Variants in MMP16 observed in about 807,000 individuals in gnomAD.
The protein encoded by MMP16 is matrix metalloproteinase-16.
A neutral mutation model predicts 67.8 loss-of-function variants in MMP16; 12 were observed. The observed-to-expected ratio is 0.18, with a 90% CI of 0.11 to 0.29. MMP16 has a LOEUF of 0.29. MMP16 is among the 10% of genes least tolerant of loss of function. The pLI is 1.00. For missense variants in MMP16, 475 were observed against 765.7 expected (o/e 0.62, Z 4.48); for synonymous variants, 249 against 255.9 (o/e 0.97, Z 0.26).
At chr8:88,169,900 A>G (rs553341407) in intron 3 of MMP16, among the ~76,000 whole-genome samples, 1 of 152,330 alleles carries the variant, frequency 6.6e-6, no homozygotes, top group East Asian at 1.9e-4. Flanking sequence ...CGTCATGAAC[A>G]GAGACATGAC....
intron 4 of MMP16, among the ~76,000 whole-genome samples, chr8:88,131,958 A>G (rs557729980): frequency 1.3e-5 from 2 of 151,988 alleles, no homozygotes; most frequent in African/African-American, 2.4e-5. Context: ...CATTCATTAC[A>G]TTATGTCGTT....
intron 1 of MMP16, among the ~76,000 whole-genome samples, chr8:88,283,654 A>G (rs1810777112): frequency 6.6e-6 from 1 of 152,076 alleles, no homozygotes; most frequent in African/African-American, 2.4e-5. Flanking sequence ...CCTCACCTCC[A>G]CTGACTAGTA....
At chr8:88,204,946 C>T (rs1809403201) in intron 1 of MMP16, among the ~76,000 whole-genome samples, 1 of 152,122 alleles carries the variant, frequency 6.6e-6, no homozygotes, top group Admixed American at 6.5e-5. Context: ...GCCTTCCAAG[C>T]CATGTATGAT....
At chr8:88,299,092 T>A (rs772219775) in intron 1 of MMP16, among the ~76,000 whole-genome samples, 11 of 152,026 alleles carry the variant, frequency 7.2e-5, no homozygotes, top group Non-Finnish European at 1.3e-4. Flanking sequence ...AAAGTCACAA[T>A]GGTCAAAGGA....
At chr8:88,073,167 G>T (rs1223023785) in intron 7 of MMP16, among the ~76,000 whole-genome samples, 1 of 152,188 alleles carries the variant, frequency 6.6e-6, no homozygotes, top group African/African-American at 2.4e-5. Context: ...CGCAGGAAGG[G>T]TGTAGGAGAG....
chr8:88,299,268 C>T (rs909771155), intron 1 of MMP16, among the ~76,000 whole-genome samples: 2 of 152,022 alleles, frequency 1.3e-5, no homozygotes, highest in African/African-American at 4.8e-5. Context: ...ACCCTGGCTT[C>T]GTGCTTTTGT....
At position 88,077,168 on chromosome 8, in the gene MMP16, T is replaced by C. The variant is rs150813983; in HGVS notation, c.1084-2425A>G. ...TGACAGCAGCCTTGGCAGAGAGTCATATAAATTACAGATATTCAGGTTGTG... is the reference window on the plus strand; with the variant it reads ...TGACAGCAGCCTTGGCAGAGAGTCACATAAATTACAGATATTCAGGTTGTG... On this transcript the variant is annotated intron_variant, in intron 6 of 9. Transcript: ENST00000286614. Among the ~76,000 whole-genome samples the C allele has an allele frequency of 3.2e-3, 481 of 152,292 alleles. 3 individuals carry two copies. Among genetic ancestry groups the C allele is most frequent in the Non-Finnish European group, 3.6e-3 (246 of 68,012 alleles).
chr8:88,051,957 T>G (rs935642810), intron 8 of MMP16, among the ~76,000 whole-genome samples: 2 of 152,216 alleles, frequency 1.3e-5, no homozygotes, highest in African/African-American at 4.8e-5. Flanking sequence ...CTGAGTTCCA[T>G]GCTGTATATG....
chr8:88,126,447 A>C (rs1475593683), intron 4 of MMP16, among the ~76,000 whole-genome samples: 2 of 151,936 alleles, frequency 1.3e-5, no homozygotes, highest in African/African-American at 4.8e-5. Flanking sequence ...ACTGGGGTAC[A>C]AACTGTCAGT....
intron 1 of MMP16, among the ~76,000 whole-genome samples, chr8:88,273,435 C>T (rs1018010358): frequency 2.0e-5 from 3 of 152,014 alleles, no homozygotes; most frequent in Admixed American, 6.6e-5. Flanking sequence ...CTCAATCCTC[C>T]GACTTGACCC....
chr8:88,218,025 T>C (rs1809621623), intron 1 of MMP16, among the ~76,000 whole-genome samples: 1 of 151,992 alleles, frequency 6.6e-6, no homozygotes, highest in African/African-American at 2.4e-5. Context: ...TATTGTTTTG[T>C]TTCATTTGCT....
In MMP16 at chr8:88,307,400, T is replaced by C. The variant is rs78041150; in HGVS notation, c.132+19675A>G. Among the ~76,000 whole-genome samples, 5 of 152,052 alleles carry C rather than the reference T, an allele frequency of 3.3e-5. No individual in the cohort carries two copies. The South Asian group carries it at 1.0e-3, about 31-fold the overall frequency. Reference sequence around the variant, plus strand: ...GAAAACAAATTTTGTCCTCCTATCATTGTGATAGGAGGAAGCAACCAATCC... The same window carrying C: ...GAAAACAAATTTTGTCCTCCTATCACTGTGATAGGAGGAAGCAACCAATCC... On this transcript the variant is annotated intron_variant, in intron 1 of 9. Coordinates refer to ENST00000286614, the MANE Select transcript of MMP16 (RefSeq NM_005941.5).
chr8:88,204,632 A>G (rs1475006310), intron 1 of MMP16, among the ~76,000 whole-genome samples: 3 of 152,178 alleles, frequency 2.0e-5, no homozygotes, highest in Non-Finnish European at 4.4e-5. Flanking sequence ...CAATATACAT[A>G]ATTTTAGTGA....
intron 1 of MMP16, among the ~76,000 whole-genome samples, chr8:88,267,259 T>C (rs140117087): frequency 2.6e-5 from 4 of 152,290 alleles, no homozygotes; most frequent in East Asian, 1.9e-4. Flanking sequence ...ATTTTACAGT[T>C]GAGAAAACTG....
At chr8:88,294,441 T>C (rs558141943) in intron 1 of MMP16, among the ~76,000 whole-genome samples, 2 of 151,584 alleles carry the variant, frequency 1.3e-5, no homozygotes, top group East Asian at 1.9e-4. Flanking sequence ...TGTATATGTC[T>C]ATATACACAC....
At chr8:88,194,983 C>T (rs966936496) in intron 2 of MMP16, among the ~76,000 whole-genome samples, 3 of 152,116 alleles carry the variant, frequency 2.0e-5, no homozygotes, top group Non-Finnish European at 4.4e-5. Flanking sequence ...TTAACTCCCA[C>T]GCACTGACAC....
chr8:88,037,711 A>G lies in MMP16; in HGVS notation c.*3750T>C, dbSNP rs916178124. The stretch of plus-strand genomic sequence containing the variant: ...AATTACTGCTTTACAGGAAATTCAA[A>G]CTGATCAGCTATTTTAATACTTCAT... On this transcript the variant is annotated 3_prime_UTR_variant, in exon 10 of 10. Coordinates refer to ENST00000286614, the MANE Select transcript of MMP16 (RefSeq NM_005941.5). 4 of 152,006 alleles carry G rather than the reference A, an allele frequency of 2.6e-5. No individual in the cohort carries two copies. The highest frequency in any genetic ancestry group is 4.4e-5 in the Non-Finnish European group (3 of 67,902). 9.4% of individuals were successfully genotyped at this position (152,006 alleles called of 1,614,324 possible). A position where few individuals can be genotyped will look rare whatever the true frequency, so the allele number is the denominator to read the frequency against.
intron 1 of MMP16, among the ~76,000 whole-genome samples, chr8:88,239,670 T>A (rs1231531544): frequency 6.6e-6 from 1 of 152,224 alleles, no homozygotes. Context: ...TCTTATGTTT[T>A]TTAAATATAG....
intron 1 of MMP16, among the ~76,000 whole-genome samples, chr8:88,232,902 A>C (rs145257926): frequency 6.6e-6 from 1 of 152,268 alleles, no homozygotes; most frequent in African/African-American, 2.4e-5. Context: ...GAAAAATAGA[A>C]TATTCACATA....
Sources: allele counts gnomAD v4.1 joint callset (sites outside exome capture counted in the v4.1 genomes callset), GRCh38; gene constraint gnomAD v4.1.1; transcripts MANE v1.5; gene names NCBI Gene and HGNC (gene_info 2026-07-23, HGNC 2026-07-21).